NLRP5: variants seen among roughly 807,000 people sequenced by gnomAD.
NLRP5 encodes NLR family pyrin domain containing 5.
A neutral mutation model predicts 113.1 loss-of-function variants in NLRP5; 93 were observed. The ratio of observed to expected loss-of-function variants is 0.82; its 90% CI spans 0.70 to 0.98. The LOEUF is 0.98. Among genes scored for constraint, NLRP5 ranks in the 50% least tolerant of loss-of-function variants. NLRP5 has a pLI of 0.00. For missense variants in NLRP5, 1,808 were observed against 1,514.3 expected, an observed-to-expected ratio of 1.19 and a Z score of -3.22; for synonymous variants, 751 against 600.7, an observed-to-expected ratio of 1.25 and a Z score of -3.66.
chr19:56,059,927 T>G (rs1438050542), intron 14 of NLRP5, among the ~76,000 whole-genome samples: 1 of 152,186 alleles, frequency 6.6e-6, no homozygotes, highest in Non-Finnish European at 1.5e-5. Flanking sequence ...GGGTTCAAGT[T>G]ATGGCACATG....
intron 3 of NLRP5, among the ~76,000 whole-genome samples, chr19:56,011,537 C>A (rs1321819254): frequency 6.6e-6 from 1 of 152,128 alleles, no homozygotes; most frequent in African/African-American, 2.4e-5. Context: ...CAATAAGATA[C>A]ATCCATCCGA....
At chr19:56,053,532 C>T (rs915358110) in intron 12 of NLRP5, 106 bp from the exon 13 acceptor site, 25 of 997,576 alleles carry the variant, frequency 2.5e-5, no homozygotes, top group South Asian at 8.1e-5. Flanking sequence ...AACAGTGGCC[C>T]GTCAGGAAGG....
chr19:56,005,534 A>G (rs1011309240), intron 2 of NLRP5, among the ~76,000 whole-genome samples: 3 of 148,782 alleles, frequency 2.0e-5, no homozygotes, highest in African/African-American at 5.0e-5. Context: ...ACACACACGC[A>G]CACACGCAGG....
chr19:56,004,630 G>A (rs1981784902), intron 2 of NLRP5, among the ~76,000 whole-genome samples: 1 of 152,138 alleles, frequency 6.6e-6, no homozygotes, highest in African/African-American at 2.4e-5. Flanking sequence ...ACTTTCTTGG[G>A]CTATTGGTGT....
At chr19:56,036,918 C>T (rs1359911162) in intron 9 of NLRP5, among the ~76,000 whole-genome samples, 3 of 152,158 alleles carry the variant, frequency 2.0e-5, no homozygotes, top group Non-Finnish European at 4.4e-5. Flanking sequence ...GATTGCGCCA[C>T]TGCACTCTAG....
intron 2 of NLRP5, among the ~76,000 whole-genome samples, chr19:56,007,961 C>T (rs567349381): frequency 7.8e-6 from 1 of 127,408 alleles, no homozygotes; most frequent in East Asian, 2.0e-4. Context: ...CTCTGTCGCC[C>T]AGGCTGGGCT....
chr19:55,994,237 T>G, the NLRP5 span, among the ~76,000 whole-genome samples: 4 of 152,254 alleles, frequency 2.6e-5, no homozygotes, highest in African/African-American at 9.6e-5. Flanking sequence ...TCGTATCTGT[T>G]GGTCATTTGG....
intron 7 of NLRP5, among the ~76,000 whole-genome samples, chr19:56,029,604 C>CT (rs1262146830): frequency 2.0e-5 from 3 of 152,124 alleles, no homozygotes; most frequent in African/African-American, 7.2e-5. Flanking sequence ...CTGATGCTTG[C>CT]TGAATAGTGC....
Position 56,028,327 on chromosome 19 carries a change from G to A in NLRP5, c.2094G>A (p.Glu698=). The change falls in exon 7 of 15, where the codon GAG becomes GAA. Residue 698 remains glutamate (E), a synonymous_variant. Coordinates refer to ENST00000390649, the MANE Select transcript of NLRP5 (RefSeq NM_153447.4). The stretch of plus-strand genomic sequence containing the variant: ...GTCTTTTCGAGACTCAAGACAAAGA[G>A]TTTGTTCGCTTGGCATTAAACAGCT... 1 of 1,614,006 alleles carries A rather than the reference G, an allele frequency of 6.2e-7. No individual in the cohort carries two copies. The highest frequency in any genetic ancestry group is 8.5e-7 in the Non-Finnish European group (1 of 1,179,900).
In NLRP5 at chr19:56,059,384, G is replaced by A. The variant is rs145929796; in HGVS notation, c.3470+974G>A. Among the ~76,000 whole-genome samples the A allele has an allele frequency of 5.3e-3, 810 of 152,266 alleles. 6 individuals are homozygous for A. The highest frequency in any genetic ancestry group is 8.6e-3 in the Non-Finnish European group (586 of 68,018). ...TGGTAGAAAAAGCATTTGTCATTTAGGAGCTCATATCCGTAGACTAACAGG... is the reference window on the plus strand; with the variant it reads ...TGGTAGAAAAAGCATTTGTCATTTAAGAGCTCATATCCGTAGACTAACAGG... On this transcript the variant is annotated intron_variant, in intron 14 of 14. Coordinates refer to ENST00000390649, the MANE Select transcript of NLRP5 (RefSeq NM_153447.4).
chr19:55,986,856 C>T, the NLRP5 span, among the ~76,000 whole-genome samples: 1 of 152,154 alleles, frequency 6.6e-6, no homozygotes, highest in African/African-American at 2.4e-5. Context: ...TCTGCCCTTC[C>T]CGCTTTTGTT....
chr19:55,995,364 C>T (rs1194748391), upstream of NLRP5, among the ~76,000 whole-genome samples: 1 of 152,012 alleles, frequency 6.6e-6, no homozygotes, highest in Non-Finnish European at 1.5e-5. Context: ...ATTAAAAAAA[C>T]TTAAATATTA....
At chr19:56,002,697 T>G in intron 1 of NLRP5, among the ~76,000 whole-genome samples, 1 of 148,062 alleles carries the variant, frequency 6.8e-6, no homozygotes, top group African/African-American at 2.5e-5. Context: ...TTCCCACCTA[T>G]GAGTGAGAAC....
At chr19:56,007,902 T>C (rs7253124) in intron 2 of NLRP5, among the ~76,000 whole-genome samples, 9,733 of 48,274 alleles carry the variant, frequency 0.2, 725 homozygotes, top group Admixed American at 0.28. Context: ...CGTGCGCGCG[T>C]GCGTGTGTGT....
chr19:56,047,117 T>C (rs1369995202), intron 11 of NLRP5, among the ~76,000 whole-genome samples: 1 of 152,214 alleles, frequency 6.6e-6, no homozygotes. Context: ...CTCAGTGAGG[T>C]TATTTGGATT....
At chr19:56,001,293 C>A (rs1981637350) in intron 1 of NLRP5, among the ~76,000 whole-genome samples, 1 of 145,696 alleles carries the variant, frequency 6.9e-6, no homozygotes, top group African/African-American at 2.5e-5. Flanking sequence ...CCACTGCACT[C>A]CAGCCTGGGC....
At chr19:56,021,463 A>T (rs562525471) in intron 6 of NLRP5, among the ~76,000 whole-genome samples, 1 of 152,078 alleles carries the variant, frequency 6.6e-6, no homozygotes, top group African/African-American at 2.4e-5. Context: ...GAAACCCCAT[A>T]CCCCTTTGCA....
intron 11 of NLRP5, among the ~76,000 whole-genome samples, chr19:56,046,670 A>T (rs937188916): frequency 2.0e-5 from 3 of 151,674 alleles, no homozygotes; most frequent in African/African-American, 7.3e-5. Context: ...CCTCCCTAGT[A>T]GCTGGGACTA....
At chr19:55,997,491 T>C (rs935606430), upstream of NLRP5, among the ~76,000 whole-genome samples, 4 of 152,180 alleles carry the variant, frequency 2.6e-5, no homozygotes, top group African/African-American at 9.7e-5. Flanking sequence ...TTCCCTCCCC[T>C]TCAATTCTCG....
Sources: allele counts gnomAD v4.1 joint callset (sites outside exome capture counted in the v4.1 genomes callset), GRCh38; gene constraint gnomAD v4.1.1; transcripts MANE v1.5; gene names NCBI Gene and HGNC (gene_info 2026-07-23, HGNC 2026-07-21).